The following KMT2A variants were observed in gnomAD, a reference collection of about 807,000 sequenced individuals.
KMT2A encodes lysine methyltransferase 2A, also known as histone-lysine N-methyltransferase 2A.
KMT2A carries 16 observed loss-of-function variants against 345.3 expected under a neutral mutation model. The observed-to-expected ratio is 0.05, with a 90% CI of 0.03 to 0.07. The LOEUF is 0.07. KMT2A is among the 10% of genes least tolerant of loss of function. The probability of loss-of-function intolerance (pLI) is 1.00; values close to 1 mark genes in which losing one functional copy is unlikely to be tolerated. For synonymous variants in KMT2A, 1,599 were observed against 1,778.6 expected (o/e 0.90, Z 2.54); for missense variants, 3,272 against 4,841.6 (o/e 0.68, Z 9.62).
intron 10 of KMT2A, among the ~76,000 whole-genome samples, chr11:118,485,752 C>G (rs1300613739): frequency 6.6e-6 from 1 of 152,054 alleles, no homozygotes; most frequent in Non-Finnish European, 1.5e-5. Flanking sequence ...GGAAACAACC[C>G]GAAAGTCCAT....
rs782371816 is a variant in KMT2A at position 118,505,033 on chromosome 11, G to A, written c.9141G>A (p.Gln3047=). The A allele has an allele frequency of 2.5e-6, 4 of 1,614,160 alleles. No individual in the cohort carries two copies. In the South Asian group the frequency reaches 3.3e-5, roughly 13 times the overall value. Residue 3047 remains glutamine (Q), a synonymous_variant, in exon 27 of 36, where the codon CAG becomes CAA. Coordinates refer to ENST00000534358, the MANE Select transcript of KMT2A (RefSeq NM_001197104.2). The surrounding 1 kb of genome is among the most constrained non-coding windows in gnomAD (Gnocchi z 4.6). ...PVSPTVPIQN[Q]KYVPNSTDSP... ...CCCCAACTGTTCCCATCCAGAACCA[G>A]AAGTATGTGCCCAATTCTACTGATA...
At position 118,495,952 on chromosome 11, in the gene KMT2A, C is replaced by T. The variant is rs183845014; in HGVS notation, c.5557+59C>T. 10 of 1,372,260 alleles carry T rather than the reference C, an allele frequency of 7.3e-6. No homozygotes were observed. The highest frequency in any genetic ancestry group is 2.2e-5 in the Admixed American group (1 of 46,234). 85.0% of individuals were successfully genotyped at this position (1,372,260 alleles called of 1,614,324 possible). On this transcript the variant is annotated intron_variant, in intron 19 of 35. Coordinates refer to ENST00000534358, the MANE Select transcript of KMT2A (RefSeq NM_001197104.2). This position sits in a 1 kb window ranked among gnomAD's most constrained non-coding sequence, Gnocchi z 4.1. Reference sequence around the variant, plus strand: ...CCCTCTAGATGCAGATGATTGACTTCGTGAATCCAATTCACTAAAATTAGA... The same window carrying T: ...CCCTCTAGATGCAGATGATTGACTTTGTGAATCCAATTCACTAAAATTAGA...
intron 1 of KMT2A, among the ~76,000 whole-genome samples, chr11:118,440,801 A>G (rs1208234209): frequency 1.5e-5 from 2 of 137,014 alleles, no homozygotes; most frequent in East Asian, 4.2e-4. Flanking sequence ...TTTTTTTTTT[A>G]ATGTTTACTG....
chr11:118,482,610 C>A, intron 8 of KMT2A, 115 bp downstream of exon 8: 1 of 779,950 alleles, frequency 1.3e-6, no homozygotes, highest in Non-Finnish European at 2.1e-6. Flanking sequence ...AATTAAGAAA[C>A]TTCAAGTTTA....
rs2134432162 is a variant in KMT2A at position 118,510,236 on chromosome 11, C to G, written c.11071+118C>G. On this transcript the variant is annotated intron_variant, in intron 30 of 35. Coordinates refer to ENST00000534358, the MANE Select transcript of KMT2A (RefSeq NM_001197104.2). The surrounding 1 kb of genome is among the most constrained non-coding windows in gnomAD (Gnocchi z 4.1). The stretch of plus-strand genomic sequence containing the variant: ...TTTATGCTAGATGGTAGGGGGATAC[C>G]TGGAGGCATCATACATTTTCCTTGT... 1 of 710,590 alleles carries G rather than the reference C, an allele frequency of 1.4e-6. No individual in the cohort carries two copies. Among genetic ancestry groups the G allele is most frequent in the East Asian group, 2.7e-5 (1 of 36,784 alleles). 44.0% of individuals were successfully genotyped at this position (710,590 alleles called of 1,614,324 possible).
rs1951014603 is a variant in KMT2A at position 118,523,440 on chromosome 11, G to A, written c.*1268G>A. ...CACTACTGCCCTGATTACTCCTTAGGATGTGGTCAAAACAGCATCAAATGT... is the reference window on the plus strand; with the variant it reads ...CACTACTGCCCTGATTACTCCTTAGAATGTGGTCAAAACAGCATCAAATGT... On this transcript the variant is annotated 3_prime_UTR_variant, in exon 36 of 36. Coordinates refer to ENST00000534358, the MANE Select transcript of KMT2A (RefSeq NM_001197104.2). The A allele has an allele frequency of 8.8e-6, 2 of 227,478 alleles. No homozygotes were observed. Among genetic ancestry groups the A allele is most frequent in the African/African-American group, 4.4e-5 (2 of 44,994 alleles). 14.1% of individuals were successfully genotyped at this position (227,478 alleles called of 1,614,324 possible).
chr11:118,480,058 A>T, intron 5 of KMT2A, 116 bp from the exon 6 acceptor site: 1 of 783,830 alleles, frequency 1.3e-6, no homozygotes, highest in South Asian at 1.7e-5. Flanking sequence ...TTTTTCAACT[A>T]TAAAAATGTG....
intron 31 of KMT2A, among the ~76,000 whole-genome samples, chr11:118,518,576 T>A (rs868944048): frequency 6.8e-6 from 1 of 147,150 alleles, no homozygotes; most frequent in South Asian, 2.1e-4. Context: ...AGGTCAGGAG[T>A]TTAAGACCAG....
At chr11:118,451,486 C>T (rs1362051386) in intron 1 of KMT2A, among the ~76,000 whole-genome samples, 1 of 152,156 alleles carries the variant, frequency 6.6e-6, no homozygotes, top group Non-Finnish European at 1.5e-5. Context: ...CTCCTGGGCT[C>T]AAGTGATTCT....
rs576148041 is a variant in KMT2A at position 118,516,288 on chromosome 11, C to T, written c.11147-3330C>T. 4.6e-5 allele frequency among the ~76,000 whole-genome samples: 7 copies of T among 152,234 alleles called. No homozygotes were observed. In the South Asian group the frequency reaches 1.5e-3, roughly 32 times the overall value. On this transcript the variant is annotated intron_variant, in intron 31 of 35. Transcript: ENST00000534358. ...AATCTGGAATCTCTTGATGAGGCAACATTTGAGCTTAGACCTGAGTGATGA... is the reference window on the plus strand; with the variant it reads ...AATCTGGAATCTCTTGATGAGGCAATATTTGAGCTTAGACCTGAGTGATGA...
chr11:118,475,992 G>A (rs1036250472), intron 3 of KMT2A, among the ~76,000 whole-genome samples: 9 of 151,832 alleles, frequency 5.9e-5, no homozygotes, highest in African/African-American at 1.9e-4. Flanking sequence ...TGCAACGTCC[G>A]CCTCCCAGGT....
intron 25 of KMT2A, among the ~76,000 whole-genome samples, 196 bp downstream of exon 25, chr11:118,501,343 C>A (rs1447849661): frequency 6.6e-6 from 1 of 151,970 alleles, no homozygotes; most frequent in Non-Finnish European, 1.5e-5. Flanking sequence ...ACCTGTAATC[C>A]CAGTAATCCC....
At chr11:118,479,871 A>G (rs1478939944) in intron 5 of KMT2A, among the ~76,000 whole-genome samples, 1 of 152,216 alleles carries the variant, frequency 6.6e-6, no homozygotes, top group African/African-American at 2.4e-5. Flanking sequence ...TGATGCGACT[A>G]CAAGAAATAC....
At position 118,505,241 on chromosome 11, in the gene KMT2A, G is replaced by A. The variant is rs781824886; in HGVS notation, c.9349G>A (p.Val3117Met). 6.2e-7 allele frequency: 1 copy of A among 1,614,126 alleles called. No homozygotes were observed. The highest frequency in any genetic ancestry group is 8.5e-7 in the Non-Finnish European group (1 of 1,179,970). Residue 3117 changes from valine (V) to methionine (M), a missense_variant, in exon 27 of 36, where the codon GTG becomes ATG. By Grantham distance (21) the Val-to-Met change is conservative (BLOSUM62 1). Around this residue, in one of 27 missense-constraint regions of KMT2A, gnomAD observed 748 missense variants for 922.2 expected, o/e 0.81. Transcript: ENST00000534358. This position sits in a 1 kb window ranked among gnomAD's most constrained non-coding sequence, Gnocchi z 4.6. Reference sequence around the variant, plus strand: ...CTCTTCTGTTAGTTCTACACCCAGTGTGATGGAGACAAATACTTCAGTATT... The same window carrying A: ...CTCTTCTGTTAGTTCTACACCCAGTATGATGGAGACAAATACTTCAGTATT... The part of the protein sequence containing the change: ...LTSSVSSTPS[V>M]METNTSVLGP...
intron 1 of KMT2A, chr11:118,447,571 A>G (rs1314387820): frequency 5.1e-6 from 2 of 394,752 alleles, no homozygotes; most frequent in Non-Finnish European, 1.0e-5. Context: ...TCTTTTATGT[A>G]GATAATACTT....
intron 8 of KMT2A, 69 bp downstream of exon 8, chr11:118,482,564 C>G: frequency 8.6e-7 from 1 of 1,168,762 alleles, no homozygotes; most frequent in Non-Finnish European, 1.3e-6. Context: ...AAGCCTTATC[C>G]TTGACTTCTA....
chr11:118,485,484 A>G (rs1405122352), intron 10 of KMT2A, among the ~76,000 whole-genome samples: 2 of 152,174 alleles, frequency 1.3e-5, no homozygotes, highest in Non-Finnish European at 2.9e-5. Context: ...TCTAGTGACC[A>G]AAAACTGGAA....
chr11:118,501,637 C>T (rs782557235), intron 25 of KMT2A, 35 bp from the exon 26 acceptor site: 122 of 1,552,552 alleles, frequency 7.9e-5, no homozygotes, highest in Non-Finnish European at 1.0e-4. Context: ...TTTAATTGGG[C>T]CTTTTTAGTT....
rs1555054686 is a variant in KMT2A, at chr11:118,524,214, G to A, written c.*2042G>A. ...GCCTGTTGAAACTGAAGCACAGTCT[G>A]ACCACTCACGATAAAGCAGATTTTT... is the stretch of plus-strand genomic sequence containing the variant. On this transcript the variant is annotated 3_prime_UTR_variant, in exon 36 of 36. Transcript: ENST00000534358. 5.5e-6 allele frequency: 1 copy of A among 183,168 alleles called. No homozygotes were observed. The highest frequency in any genetic ancestry group is 2.4e-5 in the African/African-American group (1 of 42,502). 11.3% of individuals were successfully genotyped at this position (183,168 alleles called of 1,614,324 possible).
Sources: gnomAD v4.1 joint callset for allele counts (sites outside exome capture counted in the v4.1 genomes callset) on GRCh38, gnomAD v4.1.1 for gene constraint, gnomAD v4.1.1 regional missense constraint, Gnocchi (gnomAD v3.1) non-coding constraint, MANE v1.5 for transcripts, NCBI Gene and HGNC (gene_info 2026-07-23, HGNC 2026-07-21) for gene names.